Variants in CORO2B observed in about 807,000 individuals in gnomAD.
The protein encoded by CORO2B is coronin 2B.
In CORO2B, 26 loss-of-function variants were observed where a neutral mutation model predicts 58.8. The ratio of observed to expected loss-of-function variants is 0.44; its 90% CI spans 0.32 to 0.61. CORO2B has a LOEUF of 0.61. CORO2B is among the 20% of genes least tolerant of loss of function. The probability of loss-of-function intolerance (pLI) is 0.04; values close to 1 mark genes in which losing one functional copy is unlikely to be tolerated. For missense variants in CORO2B, 460 were observed against 645.1 expected (o/e 0.71, Z 3.11); for synonymous variants, 242 against 253.8 (o/e 0.95, Z 0.44).
the CORO2B span, among the ~76,000 whole-genome samples, chr15:68,572,444 T>G: frequency 6.6e-6 from 1 of 152,190 alleles, no homozygotes; most frequent in African/African-American, 2.4e-5. Context: ...AATTTGGCTA[T>G]GTTGTTCAGC....
intron 3 of CORO2B, among the ~76,000 whole-genome samples, chr15:68,701,808 G>C (rs1892658919): frequency 1.3e-5 from 2 of 152,078 alleles, no homozygotes; most frequent in Admixed American, 1.3e-4. Flanking sequence ...TTACCTCTGA[G>C]TACCAGTTGC....
chr15:68,681,308 G>A (rs1286700964), intron 2 of CORO2B, among the ~76,000 whole-genome samples: 1 of 152,126 alleles, frequency 6.6e-6, no homozygotes, highest in Non-Finnish European at 1.5e-5. Flanking sequence ...GGGAGCAGGA[G>A]TTGGGGCGTC....
At chr15:68,725,739 T>C in intron 11 of CORO2B, 104 bp from the exon 12 acceptor site, 5 of 1,468,768 alleles carry the variant, frequency 3.4e-6, no homozygotes, top group Non-Finnish European at 4.6e-6. Flanking sequence ...CCTGGGGGAA[T>C]GTGAGGGCAC....
chr15:68,654,616 C>T (rs1160027373), intron 2 of CORO2B, among the ~76,000 whole-genome samples: 1 of 152,246 alleles, frequency 6.6e-6, no homozygotes, highest in African/African-American at 2.4e-5. Context: ...AGGCATCTAA[C>T]ATCTGTTTCT....
In CORO2B at chr15:68,727,150, A is replaced by G. The variant is rs1263454569; in HGVS notation, c.*1176A>G. ...GTGTCTCAGCACCGCTATCTCAGCCACTTTCAGCCTTATGCACGTAGAATG... is the reference window on the plus strand; with the variant it reads ...GTGTCTCAGCACCGCTATCTCAGCCGCTTTCAGCCTTATGCACGTAGAATG... On this transcript the variant is annotated 3_prime_UTR_variant, in exon 12 of 12. Coordinates refer to ENST00000261861, the MANE Select transcript of CORO2B (RefSeq NM_006091.5). The G allele has an allele frequency of 6.6e-6, 1 of 152,628 alleles. No homozygotes were observed. Among genetic ancestry groups the G allele is most frequent in the African/African-American group, 2.4e-5 (1 of 41,436 alleles). 9.5% of individuals were successfully genotyped at this position (152,628 alleles called of 1,614,324 possible). A position where few individuals can be genotyped will look rare whatever the true frequency, so the allele number is the denominator to read the frequency against.
At chr15:68,634,875 C>T (rs1198541326) in intron 1 of CORO2B, among the ~76,000 whole-genome samples, 1 of 152,228 alleles carries the variant, frequency 6.6e-6, no homozygotes, top group Non-Finnish European at 1.5e-5. Context: ...TTCTCCATTT[C>T]TAACCAGCTC....
In CORO2B at chr15:68,660,976, C is replaced by CTTT. The variant is rs57270255; in HGVS notation, c.216+15626_216+15628dup. 5.0e-3 allele frequency among the ~76,000 whole-genome samples: 732 copies of CTTT among 147,138 alleles called. 1 individual carries two copies. Among genetic ancestry groups the CTTT allele is most frequent in the Non-Finnish European group, 6.6e-3 (446 of 67,096 alleles). On this transcript the variant is annotated intron_variant, in intron 2 of 11. Coordinates refer to ENST00000261861, the MANE Select transcript of CORO2B (RefSeq NM_006091.5). ...GTACCATGTGTAATGTGTAATGAGT[C>CTTT]TTTTTTTTTTTTCTGTTTTTTGAGA...
chr15:68,676,550 T>G (rs1439284645), intron 2 of CORO2B, among the ~76,000 whole-genome samples: 2 of 152,192 alleles, frequency 1.3e-5, no homozygotes, highest in Non-Finnish European at 2.9e-5. Flanking sequence ...GGGGCTGCTA[T>G]TCTCAGAAAG....
chr15:68,557,578 A>G, the CORO2B span, among the ~76,000 whole-genome samples: 1 of 152,226 alleles, frequency 6.6e-6, no homozygotes, highest in Non-Finnish European at 1.5e-5. Flanking sequence ...TGCCTTGGGT[A>G]TACCCAGCTT....
intron 2 of CORO2B, among the ~76,000 whole-genome samples, chr15:68,694,773 A>C (rs1349626169): frequency 6.6e-6 from 1 of 152,238 alleles, no homozygotes; most frequent in African/African-American, 2.4e-5. Flanking sequence ...TGTGTGTGCC[A>C]CCAGGGCTGC....
chr15:68,548,853 A>G, the CORO2B span, among the ~76,000 whole-genome samples: 5 of 152,270 alleles, frequency 3.3e-5, no homozygotes, highest in East Asian at 5.8e-4. Flanking sequence ...TTACCTATAC[A>G]TATATTCTTA....
chr15:68,676,479 G>A (rs908822058), intron 2 of CORO2B, among the ~76,000 whole-genome samples: 1 of 152,332 alleles, frequency 6.6e-6, no homozygotes, highest in South Asian at 2.1e-4. Flanking sequence ...GATAACCACC[G>A]CTGCCTAAAC....
rs1330920846 is a variant in CORO2B, at chr15:68,714,094, C to T, written c.765+53C>T. The T allele has an allele frequency of 6.7e-6, 8 of 1,196,944 alleles. No homozygotes were observed. The East Asian group carries it at 9.4e-5, about 14-fold the overall frequency. 74.1% of individuals were successfully genotyped at this position (1,196,944 alleles called of 1,614,324 possible). A position where few individuals can be genotyped will look rare whatever the true frequency, so the allele number is the denominator to read the frequency against. On this transcript the variant is annotated intron_variant, in intron 6 of 11. Transcript: ENST00000261861. The stretch of plus-strand genomic sequence containing the variant: ...TGGGCTAAAGGAAGCATCGTTGCCT[C>T]GGAGGTCACTTCCTCAGAAAGTCAG...
Position 68,715,196 on chromosome 15 carries a change from C to T in CORO2B, c.871-19C>T, listed in dbSNP as rs139215802. 1,057 of 1,611,530 alleles carry T rather than the reference C, an allele frequency of 6.6e-4. No homozygotes were observed. The highest frequency in any genetic ancestry group is 1.3e-3 in the Middle Eastern group (8 of 6,050). ...TCCCTACCTGCCACCTTCCTCAACTCCATCTCTCCTGACCCCAGGGTGATG... is the reference window on the plus strand; with the variant it reads ...TCCCTACCTGCCACCTTCCTCAACTTCATCTCTCCTGACCCCAGGGTGATG... On this transcript the variant is annotated intron_variant, in intron 7 of 11. Transcript: ENST00000261861.
chr15:68,692,250 C>A (rs1892396220), intron 2 of CORO2B, among the ~76,000 whole-genome samples: 1 of 152,106 alleles, frequency 6.6e-6, no homozygotes, highest in Admixed American at 6.5e-5. Flanking sequence ...ACGTGCGTAA[C>A]CCTAATAAAT....
At chr15:68,692,670 G>A (rs1307708820) in intron 2 of CORO2B, among the ~76,000 whole-genome samples, 1 of 142,860 alleles carries the variant, frequency 7.0e-6, no homozygotes, top group East Asian at 2.2e-4. Context: ...GTCTCACTCT[G>A]TCGCCCAGAC....
chr15:68,638,544 A>G (rs900125134), intron 1 of CORO2B, among the ~76,000 whole-genome samples: 7 of 152,210 alleles, frequency 4.6e-5, no homozygotes, highest in Admixed American at 2.0e-4. Flanking sequence ...TCTTCCTGCT[A>G]CAGTTTCTTT....
At chr15:68,544,692 T>G in the CORO2B span, among the ~76,000 whole-genome samples, 1 of 151,808 alleles carries the variant, frequency 6.6e-6, no homozygotes, top group African/African-American at 2.4e-5. Context: ...CTTGGGTAGG[T>G]GGAAGCCCAT....
intron 1 of CORO2B, among the ~76,000 whole-genome samples, chr15:68,625,375 T>C (rs1900648599): frequency 6.6e-6 from 1 of 152,134 alleles, no homozygotes; most frequent in Admixed American, 6.5e-5. Flanking sequence ...AACAATCGTG[T>C]AACCACCATC....
Sources: allele counts gnomAD v4.1 joint callset (sites outside exome capture counted in the v4.1 genomes callset), GRCh38; gene constraint gnomAD v4.1.1; transcripts MANE v1.5; gene names NCBI Gene and HGNC (gene_info 2026-07-23, HGNC 2026-07-21).